The following GLYATL2 variants were observed in gnomAD, a reference collection of about 807,000 sequenced individuals.
GLYATL2 encodes glycine N-acyltransferase-like protein 2.
A neutral mutation model predicts 21.4 loss-of-function variants in GLYATL2; 25 were observed. The ratio of observed to expected loss-of-function variants is 1.17; its 90% CI spans 0.85 to 1.63. The LOEUF (loss-of-function observed/expected upper bound fraction) is 1.63, where lower values mean the gene tolerates loss of function less well. GLYATL2 is among the 40% of genes most tolerant of loss of function. GLYATL2 has a pLI of 0.00. For missense variants in GLYATL2, 361 were observed against 343.3 expected (o/e 1.05, Z -0.41); for synonymous variants, 114 against 118.2 (o/e 0.96, Z 0.23).
intron 1 of GLYATL2, among the ~76,000 whole-genome samples, chr11:58,869,685 G>A (rs1854083423): frequency 6.6e-6 from 1 of 152,188 alleles, no homozygotes; most frequent in African/African-American, 2.4e-5. Flanking sequence ...AGAGCACTCA[G>A]AGATTAAGTA....
intron 1 of GLYATL2, among the ~76,000 whole-genome samples, chr11:58,862,119 A>G (rs956471205): frequency 1.3e-5 from 2 of 152,182 alleles, no homozygotes; most frequent in African/African-American, 4.8e-5. Flanking sequence ...TTTGTATAGA[A>G]CATTGAATAT....
chr11:58,877,676 T>C (rs148743100), intron 1 of GLYATL2, among the ~76,000 whole-genome samples: 80 of 152,310 alleles, frequency 5.3e-4, no homozygotes, highest in African/African-American at 1.8e-3. Context: ...AAGCAATAAT[T>C]GATCATGTGA....
rs1029233530 is a variant in GLYATL2, at chr11:58,872,600, T to C, written n.60+31556A>G. Reference sequence around the variant, plus strand: ...GTCAAAGATCAGATAGCTGTAGATATGCATCATTATTTCTGAGGGCTCTGT... The same window carrying C: ...GTCAAAGATCAGATAGCTGTAGATACGCATCATTATTTCTGAGGGCTCTGT... On this transcript the variant is annotated intron_variant and non_coding_transcript_variant, in intron 1 of 4. Transcript: ENST00000533636. Among the ~76,000 whole-genome samples the C allele has an allele frequency of 4.6e-5, 7 of 152,254 alleles. 1 individual carries two copies. The highest frequency in any genetic ancestry group is 4.6e-4 in the Admixed American group (7 of 15,292).
intron 1 of GLYATL2, among the ~76,000 whole-genome samples, chr11:58,863,635 T>G (rs1044246018): frequency 6.6e-6 from 1 of 152,080 alleles, no homozygotes; most frequent in Non-Finnish European, 1.5e-5. Context: ...CCATAGGTGG[T>G]AGACTGGTGC....
At chr11:58,907,010 AG>A (rs750591618), upstream of GLYATL2, among the ~76,000 whole-genome samples, 15 of 152,200 alleles carry the variant, frequency 9.9e-5, no homozygotes, top group Non-Finnish European at 2.1e-4. Flanking sequence ...GAACAATAAA[AG>A]GTTGATCTGA....
chr11:58,899,721 A>C (rs1854702187), intron 1 of GLYATL2, among the ~76,000 whole-genome samples: 2 of 152,210 alleles, frequency 1.3e-5, no homozygotes. Context: ...AGGGTGAACA[A>C]AGGACATACT....
chr11:58,849,184 A>G (rs1853695263), upstream of GLYATL2, among the ~76,000 whole-genome samples: 1 of 152,234 alleles, frequency 6.6e-6, no homozygotes, highest in Admixed American at 6.5e-5. Context: ...GAAATGCTAA[A>G]GAAAGAACAG....
At chr11:58,864,674 T>C (rs1465545225) in intron 1 of GLYATL2, among the ~76,000 whole-genome samples, 1 of 149,272 alleles carries the variant, frequency 6.7e-6, no homozygotes, top group Non-Finnish European at 1.5e-5. Context: ...CTTCAATTCA[T>C]CTTTTCTTAT....
intron 1 of GLYATL2, among the ~76,000 whole-genome samples, chr11:58,879,024 G>A (rs1001825301): frequency 6.6e-6 from 1 of 152,118 alleles, no homozygotes; most frequent in African/African-American, 2.4e-5. Context: ...GATTAGGCAT[G>A]TAAACAATCA....
intron 5 of GLYATL2, 45 bp downstream of exon 5, chr11:58,836,970 A>G: frequency 6.4e-7 from 1 of 1,555,948 alleles, no homozygotes. Flanking sequence ...GTGGCAACTC[A>G]GTAATTCTAT....
upstream of GLYATL2, chr11:58,905,583 C>CCCT (rs1474929267): frequency 2.2e-6 from 1 of 456,192 alleles, no homozygotes; most frequent in African/African-American, 2.0e-5. Flanking sequence ...GCCGCGCAAC[C>CCCT]CCTCCTTGGC....
intron 1 of GLYATL2, among the ~76,000 whole-genome samples, chr11:58,894,272 T>TA (rs1181778140): frequency 4.6e-5 from 7 of 151,978 alleles, no homozygotes; most frequent in Admixed American, 2.0e-4. Context: ...GTGAGCCAGA[T>TA]AAAAAAAGCA....
At chr11:58,856,892 G>GA (rs1277512785) in intron 1 of GLYATL2, among the ~76,000 whole-genome samples, 1 of 152,150 alleles carries the variant, frequency 6.6e-6, no homozygotes, top group Non-Finnish European at 1.5e-5. Context: ...ACATTTGTTG[G>GA]AAAAATGGTG....
chr11:58,880,657 T>TTTTG (rs373808017), intron 1 of GLYATL2, among the ~76,000 whole-genome samples: 28 of 152,294 alleles, frequency 1.8e-4, no homozygotes, highest in Non-Finnish European at 2.8e-4. Context: ...AGACCAGGTT[T>TTTTG]TTTGTTTGTT....
intron 1 of GLYATL2, among the ~76,000 whole-genome samples, chr11:58,840,021 A>T (rs11229656): frequency 1.2e-3 from 176 of 151,996 alleles, no homozygotes; most frequent in African/African-American, 3.8e-3. Flanking sequence ...TGGAGAGCCC[A>T]CCACCCCCAA....
intron 1 of GLYATL2, among the ~76,000 whole-genome samples, chr11:58,854,366 C>G (rs1853791837): frequency 6.6e-6 from 1 of 152,170 alleles, no homozygotes; most frequent in Non-Finnish European, 1.5e-5. Flanking sequence ...TAAAGCAAGT[C>G]ACACGAAGTT....
intron 1 of GLYATL2, chr11:58,892,301 A>C (rs1854557988): frequency 6.3e-6 from 1 of 158,962 alleles, no homozygotes; most frequent in African/African-American, 2.4e-5. Context: ...AGTTTTGAAA[A>C]ATTGTGAAAT....
At chr11:58,891,557 A>G (rs947416158) in intron 1 of GLYATL2, among the ~76,000 whole-genome samples, 27 of 152,228 alleles carry the variant, frequency 1.8e-4, no homozygotes, top group Admixed American at 6.5e-5. Flanking sequence ...TCACACTGGT[A>G]GTGAGCATAG....
At chr11:58,852,874 T>C (rs1162747656) in intron 1 of GLYATL2, among the ~76,000 whole-genome samples, 1 of 152,202 alleles carries the variant, frequency 6.6e-6, no homozygotes, top group Non-Finnish European at 1.5e-5. Context: ...TGCTCTCTGT[T>C]CCCAAGCTGA....
Sources: allele counts gnomAD v4.1 joint callset (sites outside exome capture counted in the v4.1 genomes callset), GRCh38; gene constraint gnomAD v4.1.1; transcripts MANE v1.5; gene names NCBI Gene and HGNC (gene_info 2026-07-23, HGNC 2026-07-21).